ROS1: variants seen among roughly 807,000 people sequenced by gnomAD.
The protein encoded by ROS1 is proto-oncogene tyrosine-protein kinase ROS.
A neutral mutation model predicts 273.5 loss-of-function variants in ROS1; 263 were observed. The ratio of observed to expected loss-of-function variants is 0.96; its 90% CI spans 0.87 to 1.06. The LOEUF is 1.06. Ranked by LOEUF, ROS1 falls within the 50% of genes least tolerant of loss-of-function variation. The pLI is 0.00. For missense variants in ROS1, 2,833 were observed against 2,751.1 expected, an observed-to-expected ratio of 1.03 and a Z score of -0.67; for synonymous variants, 1,008 against 954.1, an observed-to-expected ratio of 1.06 and a Z score of -1.04.
chr6:117,316,581 G>C (rs1278875628), intron 39 of ROS1, among the ~76,000 whole-genome samples: 1 of 152,060 alleles, frequency 6.6e-6, no homozygotes, highest in Non-Finnish European at 1.5e-5. Flanking sequence ...GGGGATACAA[G>C]AGAAGAAGGA....
chr6:117,344,165 T>G lies in ROS1; in HGVS notation c.4401A>C (p.Thr1467=), dbSNP rs141056178. 3,175 of 1,614,042 alleles carry G rather than the reference T, an allele frequency of 2.0e-3. 108 individuals carry two copies. In the Admixed American group the frequency reaches 0.05, roughly 26 times the overall value. ...TGGTGATGCCATACCATGTGAGGTT[T>G]GTCTTGGCCAGAGGTAATCTGATTG... ...SLTIRLPLAK[T]NLTWYGITSP... is the part of the protein sequence containing the mutation. The change falls in exon 28 of 44, where the codon ACA becomes ACC. Residue 1467 remains threonine (T), a synonymous_variant. Transcript: ENST00000368507.
intron 32 of ROS1, among the ~76,000 whole-genome samples, chr6:117,335,992 T>C (rs1459953885): frequency 6.6e-6 from 1 of 152,180 alleles, no homozygotes; most frequent in Non-Finnish European, 1.5e-5. Flanking sequence ...TCAGAAATAT[T>C]CTTATATGAT....
intron 18 of ROS1, among the ~76,000 whole-genome samples, chr6:117,368,430 G>A (rs1057513002): frequency 6.6e-6 from 1 of 152,122 alleles, no homozygotes; most frequent in African/African-American, 2.4e-5. Context: ...GTACATAGGA[G>A]AGGGAAGAGT....
At chr6:117,393,470 A>C in intron 11 of ROS1, 149 bp from the exon 12 acceptor site, 8 of 591,918 alleles carry the variant, frequency 1.4e-5, no homozygotes, top group African/African-American at 1.9e-5. Flanking sequence ...AAAGCCCTTA[A>C]ACGACAGTTT....
intron 21 of ROS1, 113 bp from the exon 22 acceptor site, chr6:117,362,978 G>C: frequency 1.1e-6 from 1 of 901,436 alleles, no homozygotes; most frequent in East Asian, 2.7e-5. Flanking sequence ...TCTCATTCCA[G>C]GCAGTTGCAG....
At chr6:117,310,748 A>T (rs1185794896) in intron 40 of ROS1, among the ~76,000 whole-genome samples, 1 of 152,104 alleles carries the variant, frequency 6.6e-6, no homozygotes, top group African/African-American at 2.4e-5. Context: ...ATAGTATTTC[A>T]TGGTGTATAT....
At chr6:117,373,921 C>T (rs563160556) in intron 18 of ROS1, among the ~76,000 whole-genome samples, 85 of 152,334 alleles carry the variant, frequency 5.6e-4, no homozygotes, top group African/African-American at 2.0e-3. Context: ...CAAAAATATA[C>T]TCACAAATGT....
At chr6:117,298,048 G>T (rs940819134) in intron 43 of ROS1, among the ~76,000 whole-genome samples, 4 of 151,126 alleles carry the variant, frequency 2.6e-5, no homozygotes, top group Non-Finnish European at 5.9e-5. Context: ...AAAAAGGAAT[G>T]AAATCATGTA....
At chr6:117,304,726 G>GTATTGATACGA (rs1774977175) in intron 42 of ROS1, among the ~76,000 whole-genome samples, 1 of 152,140 alleles carries the variant, frequency 6.6e-6, no homozygotes, top group Non-Finnish European at 1.5e-5. Context: ...ATAAGGTTGG[G>GTATTGATACGA]TATTGATACG....
chr6:117,372,255 G>C (rs770442292), intron 18 of ROS1, among the ~76,000 whole-genome samples: 2 of 152,076 alleles, frequency 1.3e-5, no homozygotes, highest in Non-Finnish European at 2.9e-5. Flanking sequence ...AGAGCAAGCA[G>C]ACAACAAAAA....
At chr6:117,412,031 G>T (rs776909877) in intron 4 of ROS1, among the ~76,000 whole-genome samples, 5 of 152,120 alleles carry the variant, frequency 3.3e-5, no homozygotes, top group Non-Finnish European at 7.4e-5. Flanking sequence ...CAGAGATTTG[G>T]GCAAAAGCAG....
chr6:117,318,159 A>G, intron 38 of ROS1, 29 bp downstream of exon 38: 2 of 1,578,670 alleles, frequency 1.3e-6, no homozygotes, highest in Non-Finnish European at 1.7e-6. Context: ...CTTCTTACCC[A>G]TACCAGGAGA....
chr6:117,364,761 A>G (rs969606081), intron 21 of ROS1, among the ~76,000 whole-genome samples: 1 of 152,216 alleles, frequency 6.6e-6, no homozygotes, highest in African/African-American at 2.4e-5. Context: ...CTGCCCTTAA[A>G]TGCCCATTTT....
At chr6:117,370,448 C>T (rs1029696369) in intron 18 of ROS1, among the ~76,000 whole-genome samples, 2 of 152,106 alleles carry the variant, frequency 1.3e-5, no homozygotes, top group Non-Finnish European at 2.9e-5. Context: ...GTGTCCTCAT[C>T]TATGAAATAA....
chr6:117,288,664 G>C lies in ROS1; in HGVS notation c.6854C>G (p.Pro2285Arg), dbSNP rs2128521000. The change falls in exon 44 of 44, where the codon CCT (proline) becomes CGT (arginine). Residue 2285 changes from proline (P) to arginine (R), a missense_variant. Physicochemically the swap from Pro to Arg is moderately radical, Grantham distance 103. Transcript: ENST00000368507. Reference protein sequence around the residue: ...CGQGEEKSEGPLGSQESESCG... With the variant: ...CGQGEEKSEGRLGSQESESCG... ...AGATTCAGATTCCTGGGAGCCTAGA[G>C]GACCCTCAGACTTTTCTTCACCTTG... 1.2e-6 allele frequency: 2 copies of C among 1,614,098 alleles called. No individual in the cohort carries two copies. The highest frequency in any genetic ancestry group is 1.7e-6 in the Non-Finnish European group (2 of 1,180,020).
chr6:117,407,219 A>G (rs1308573067), intron 5 of ROS1, among the ~76,000 whole-genome samples: 1 of 152,198 alleles, frequency 6.6e-6, no homozygotes, highest in Non-Finnish European at 1.5e-5. Context: ...CAAGCCACTG[A>G]GTCAAGAACT....
intron 43 of ROS1, among the ~76,000 whole-genome samples, chr6:117,298,627 A>G (rs1774439055): frequency 6.6e-6 from 1 of 152,210 alleles, no homozygotes; most frequent in Admixed American, 6.5e-5. Flanking sequence ...AACTGGTGAC[A>G]CCAATATTTC....
intron 39 of ROS1, among the ~76,000 whole-genome samples, chr6:117,312,270 C>A (rs1016544577): frequency 1.3e-5 from 2 of 152,068 alleles, no homozygotes; most frequent in Non-Finnish European, 1.5e-5. Context: ...TGATTCCAAA[C>A]CTCCAAGTCC....
intron 1 of ROS1, 90 bp from the exon 2 acceptor site, chr6:117,418,596 C>T (rs957242465): frequency 1.1e-5 from 10 of 893,286 alleles, no homozygotes; most frequent in African/African-American, 1.1e-4. Context: ...CCTGAAATAA[C>T]GTTGCCTCCT....
Sources: gnomAD v4.1 joint callset for allele counts (sites outside exome capture counted in the v4.1 genomes callset) on GRCh38, gnomAD v4.1.1 for gene constraint, MANE v1.5 for transcripts, NCBI Gene and HGNC (gene_info 2026-07-23, HGNC 2026-07-21) for gene names.